The following LRRTM4 variants were observed in gnomAD, a reference collection of about 807,000 sequenced individuals.
LRRTM4 encodes the protein leucine-rich repeat transmembrane neuronal protein 4.
LRRTM4 carries 25 observed loss-of-function variants against 47.6 expected under a neutral mutation model. The ratio of observed to expected loss-of-function variants is 0.53; its 90% CI spans 0.38 to 0.73. The LOEUF is 0.73. LRRTM4 is among the 30% of genes least tolerant of loss of function. The pLI, the probability that LRRTM4 is intolerant of heterozygous loss-of-function variation, is 0.00. For missense variants in LRRTM4, 638 were observed against 713.4 expected (o/e 0.89, Z 1.20); for synonymous variants, 311 against 269.5 (o/e 1.15, Z -1.51).
intron 3 of LRRTM4, among the ~76,000 whole-genome samples, chr2:76,897,158 G>C (rs1673443906): frequency 6.6e-6 from 1 of 152,100 alleles, no homozygotes; most frequent in South Asian, 2.1e-4. Flanking sequence ...GTGATGACAA[G>C]GCAAGCTTTC....
At chr2:76,987,907 T>C (rs13398903) in intron 3 of LRRTM4, among the ~76,000 whole-genome samples, 2 of 151,856 alleles carry the variant, frequency 1.3e-5, no homozygotes, top group Non-Finnish European at 2.9e-5. Flanking sequence ...GAGCTGAATA[T>C]TGGTGAGTAC....
intron 3 of LRRTM4, among the ~76,000 whole-genome samples, chr2:77,442,091 A>G (rs1449159819): frequency 6.6e-6 from 1 of 152,164 alleles, no homozygotes; most frequent in Non-Finnish European, 1.5e-5. Context: ...TGAGAACAGC[A>G]GAATGTGGAA....
chr2:77,170,725 C>A (rs1432958572), intron 3 of LRRTM4, among the ~76,000 whole-genome samples: 1 of 152,038 alleles, frequency 6.6e-6, no homozygotes, highest in African/African-American at 2.4e-5. Flanking sequence ...TAATGTGAAT[C>A]AGTTCCTAAA....
chr2:76,996,460 C>T (rs78777643), intron 3 of LRRTM4, among the ~76,000 whole-genome samples: 7,718 of 151,870 alleles, frequency 0.051, 259 homozygotes, highest in Middle Eastern at 0.17. Flanking sequence ...TAAAATTAAG[C>T]GAGGTTACTT....
intron 3 of LRRTM4, among the ~76,000 whole-genome samples, chr2:76,843,389 T>C (rs2103941707): frequency 6.6e-6 from 1 of 152,326 alleles, no homozygotes; most frequent in South Asian, 2.1e-4. Flanking sequence ...TCCTAGACTC[T>C]CTGTTAGATA....
chr2:77,124,091 G>C (rs959744945), intron 3 of LRRTM4, among the ~76,000 whole-genome samples: 3 of 152,018 alleles, frequency 2.0e-5, no homozygotes, highest in African/African-American at 7.2e-5. Flanking sequence ...ATAGCCTTGG[G>C]GATGTCTAAC....
intron 3 of LRRTM4, among the ~76,000 whole-genome samples, chr2:77,395,379 G>T (rs1257810207): frequency 6.6e-6 from 1 of 151,954 alleles, no homozygotes; most frequent in Admixed American, 6.6e-5. Flanking sequence ...AATTAATGAG[G>T]TAGGTATTAA....
At chr2:77,306,965 T>A in intron 3 of LRRTM4, among the ~76,000 whole-genome samples, 1 of 146,176 alleles carries the variant, frequency 6.8e-6, no homozygotes, top group East Asian at 2.1e-4. Flanking sequence ...AGTGGCGCGA[T>A]CTCGGCTCAC....
At chr2:77,260,019 A>G (rs1331777918) in intron 3 of LRRTM4, among the ~76,000 whole-genome samples, 1 of 152,058 alleles carries the variant, frequency 6.6e-6, no homozygotes. Context: ...AAAGAAAATT[A>G]GTGTCAGGAG....
chr2:77,151,862 T>C (rs1182255975), intron 3 of LRRTM4, among the ~76,000 whole-genome samples: 2 of 152,216 alleles, frequency 1.3e-5, no homozygotes, highest in Non-Finnish European at 2.9e-5. Flanking sequence ...ACTACTTTCT[T>C]ATTTTCATGT....
At position 77,048,003 on chromosome 2, in the gene LRRTM4, T is replaced by G. The variant is rs148226603; in HGVS notation, c.1552-299087A>C. Reference sequence around the variant, plus strand: ...TTGTGTTTTTGTTAAATAAGGTGATTATTTTTATATCTAGATGCAAAGACA... The same window carrying G: ...TTGTGTTTTTGTTAAATAAGGTGATGATTTTTATATCTAGATGCAAAGACA... On this transcript the variant is annotated intron_variant, in intron 3 of 3. Coordinates refer to ENST00000409884, the MANE Select transcript of LRRTM4 (RefSeq NM_001134745.3). Among the ~76,000 whole-genome samples the G allele has an allele frequency of 1.1e-3, 168 of 152,198 alleles. 3 individuals are homozygous for G. In the East Asian group the frequency reaches 0.031, roughly 28 times the overall value.
chr2:77,286,735 T>C (rs904801851), intron 3 of LRRTM4, among the ~76,000 whole-genome samples: 16 of 152,186 alleles, frequency 1.1e-4, no homozygotes, highest in African/African-American at 3.4e-4. Flanking sequence ...TTCATAAAAG[T>C]AGTCATTAAC....
At chr2:77,176,900 C>A (rs946580179) in intron 3 of LRRTM4, among the ~76,000 whole-genome samples, 3 of 152,142 alleles carry the variant, frequency 2.0e-5, no homozygotes, top group African/African-American at 7.2e-5. Context: ...TCTGCTTGTG[C>A]TCACTGGTCG....
chr2:76,961,952 G>C (rs1675874850), intron 3 of LRRTM4, among the ~76,000 whole-genome samples: 1 of 151,162 alleles, frequency 6.6e-6, no homozygotes, highest in African/African-American at 2.4e-5. Flanking sequence ...ATTCAATGAA[G>C]CCCCTTTATG....
chr2:77,021,200 A>G (rs1311094027), intron 3 of LRRTM4, among the ~76,000 whole-genome samples: 2 of 149,764 alleles, frequency 1.3e-5, no homozygotes, highest in Non-Finnish European at 2.9e-5. Flanking sequence ...TGATATATAT[A>G]TATCAGTGAT....
intron 3 of LRRTM4, among the ~76,000 whole-genome samples, chr2:77,506,189 C>T (rs1020327629): frequency 1.3e-5 from 2 of 151,284 alleles, no homozygotes; most frequent in Non-Finnish European, 3.0e-5. Context: ...TAGAATTTTA[C>T]GTTAGTATTA....
intron 3 of LRRTM4, among the ~76,000 whole-genome samples, chr2:77,282,952 G>T (rs1456366905): frequency 6.6e-6 from 1 of 151,644 alleles, no homozygotes; most frequent in East Asian, 1.9e-4. Context: ...TTTATGACTA[G>T]GTCCTCAACA....
At chr2:76,978,040 T>A (rs1676476797) in intron 3 of LRRTM4, among the ~76,000 whole-genome samples, 1 of 152,044 alleles carries the variant, frequency 6.6e-6, no homozygotes, top group South Asian at 2.1e-4. Context: ...GTCAAACCCA[T>A]GGCTAAGGAG....
rs191063986 is a variant in LRRTM4 at position 76,841,466 on chromosome 2, C to T, written c.1552-92550G>A. Reference sequence around the variant, plus strand: ...AAAAATTATCATTTCTCTGACCATACATCCAGGAACATGTCACTTTCAATT... The same window carrying T: ...AAAAATTATCATTTCTCTGACCATATATCCAGGAACATGTCACTTTCAATT... On this transcript the variant is annotated intron_variant, in intron 3 of 3. Coordinates refer to ENST00000409884, the MANE Select transcript of LRRTM4 (RefSeq NM_001134745.3). 3.0e-3 allele frequency among the ~76,000 whole-genome samples: 449 copies of T among 151,954 alleles called. 6 individuals carry two copies. Among genetic ancestry groups the T allele is most frequent in the African/African-American group, 0.01 (427 of 41,478 alleles).
Sources: gnomAD v4.1 joint callset for allele counts (sites outside exome capture counted in the v4.1 genomes callset) on GRCh38, gnomAD v4.1.1 for gene constraint, MANE v1.5 for transcripts, NCBI Gene and HGNC (gene_info 2026-07-23, HGNC 2026-07-21) for gene names.